The following ABRAXAS1 variants were observed in gnomAD, a reference collection of about 807,000 sequenced individuals.
ABRAXAS1 encodes the protein BRCA1-A complex subunit Abraxas 1.
ABRAXAS1 carries 26 observed loss-of-function variants against 38.4 expected under a neutral mutation model. The observed-to-expected ratio is 0.68, with a 90% CI of 0.50 to 0.94. ABRAXAS1 has a LOEUF of 0.94. Among genes scored for constraint, ABRAXAS1 ranks in the 40% least tolerant of loss-of-function variants. The probability of loss-of-function intolerance (pLI) is 0.00; values close to 1 mark genes in which losing one functional copy is unlikely to be tolerated. For synonymous variants in ABRAXAS1, 144 were observed against 165.5 expected (o/e 0.87, Z 1.00); for missense variants, 438 against 481.9 (o/e 0.91, Z 0.85).
chr4:83,465,016 C>A (rs1004502543), intron 7 of ABRAXAS1, among the ~76,000 whole-genome samples: 4 of 152,082 alleles, frequency 2.6e-5, no homozygotes, highest in South Asian at 2.1e-4. Context: ...AATAAAGAGG[C>A]CGGGCAAGGT....
At chr4:83,464,864 C>T (rs1722288868) in intron 7 of ABRAXAS1, among the ~76,000 whole-genome samples, 1 of 152,240 alleles carries the variant, frequency 6.6e-6, no homozygotes, top group South Asian at 2.1e-4. Flanking sequence ...AGTTCTATGG[C>T]ATTCTAGCTC....
chr4:83,481,748 TTTC>T (rs1723006215), intron 2 of ABRAXAS1, among the ~76,000 whole-genome samples: 1 of 152,080 alleles, frequency 6.6e-6, no homozygotes. Context: ...TTAATATATA[TTTC>T]TTATTTTTCT....
intron 3 of ABRAXAS1, among the ~76,000 whole-genome samples, chr4:83,474,143 A>C (rs1722680185): frequency 8.0e-6 from 1 of 125,270 alleles, no homozygotes; most frequent in Non-Finnish European, 1.6e-5. Context: ...ACCTTGTCTA[A>C]AAAATAAATA....
At chr4:83,474,840 TG>T (rs1168154915) in intron 3 of ABRAXAS1, among the ~76,000 whole-genome samples, 3 of 152,208 alleles carry the variant, frequency 2.0e-5, no homozygotes, top group Non-Finnish European at 4.4e-5. Context: ...AGTATGATGC[TG>T]GATTAGAGCT....
intron 1 of ABRAXAS1, among the ~76,000 whole-genome samples, chr4:83,483,147 C>T (rs1723054515): frequency 6.6e-6 from 1 of 152,174 alleles, no homozygotes; most frequent in Admixed American, 6.5e-5. Flanking sequence ...AAAAGGAGTG[C>T]TGTGAGCCCG....
chr4:83,462,181 CTG>C lies in ABRAXAS1; in HGVS notation c.*286_*287del, dbSNP rs755885231. 1.1e-4 allele frequency: 38 copies of C among 356,444 alleles called. No homozygotes were observed. Among genetic ancestry groups the C allele is most frequent in the East Asian group, 1.9e-4 (4 of 20,664 alleles). 22.1% of individuals were successfully genotyped at this position (356,444 alleles called of 1,614,324 possible). The stretch of plus-strand genomic sequence containing the variant: ...GTGCTGGGATTACAGGTGTGAGCCA[CTG>C]TGCCTGGTCTCACTTTTCCAATTCT... On this transcript the variant is annotated 3_prime_UTR_variant, in exon 9 of 9. Transcript: ENST00000321945.
intron 6 of ABRAXAS1, 60 bp downstream of exon 6, chr4:83,468,972 A>G (rs1578127374): frequency 6.3e-7 from 1 of 1,576,088 alleles, no homozygotes; most frequent in African/African-American, 1.4e-5. Flanking sequence ...TTGTTTGAGA[A>G]ATAAGAAAAT....
At chr4:83,484,608 C>T (rs1723113334) in intron 1 of ABRAXAS1, among the ~76,000 whole-genome samples, 1 of 152,242 alleles carries the variant, frequency 6.6e-6, no homozygotes, top group African/African-American at 2.4e-5. Flanking sequence ...AAACGCCTGT[C>T]GGGCGTCGCG....
intron 3 of ABRAXAS1, 124 bp from the exon 4 acceptor site, chr4:83,472,412 A>G (rs1722616452): frequency 2.2e-6 from 1 of 462,652 alleles, no homozygotes; most frequent in African/African-American, 2.1e-5. Context: ...TGCCTGTCAG[A>G]TGAAGTCCTA....
chr4:83,464,356 C>T (rs1479457781), intron 7 of ABRAXAS1, among the ~76,000 whole-genome samples: 2 of 152,126 alleles, frequency 1.3e-5, no homozygotes, highest in East Asian at 3.8e-4. Flanking sequence ...TTTTGAAAAG[C>T]AGATCACTTC....
At chr4:83,473,049 G>T (rs1176396766) in intron 3 of ABRAXAS1, among the ~76,000 whole-genome samples, 1 of 152,100 alleles carries the variant, frequency 6.6e-6, no homozygotes, top group African/African-American at 2.4e-5. Context: ...GAGGCTGAGG[G>T]GGGTGGATGG....
chr4:83,463,681 T>G (rs1297199902), intron 7 of ABRAXAS1, 73 bp from the exon 8 acceptor site: 2 of 761,120 alleles, frequency 2.6e-6, no homozygotes, highest in African/African-American at 1.8e-5. Flanking sequence ...GATTCACAAA[T>G]AATATAAAAT....
chr4:83,463,187 T>A (rs2110033663), intron 8 of ABRAXAS1, among the ~76,000 whole-genome samples: 1 of 152,264 alleles, frequency 6.6e-6, no homozygotes, highest in African/African-American at 2.4e-5. Context: ...CCCAGCACTT[T>A]GGGAGGCTGA....
chr4:83,475,910 GAACATA>G, intron 3 of ABRAXAS1, among the ~76,000 whole-genome samples: 1 of 152,180 alleles, frequency 6.6e-6, no homozygotes, highest in Non-Finnish European at 1.5e-5. Context: ...ACAGGTTAAA[GAACATA>G]ACCAGTTGAG....
intron 2 of ABRAXAS1, chr4:83,479,651 A>T (rs1334054987): frequency 6.6e-6 from 1 of 152,246 alleles, no homozygotes; most frequent in African/African-American, 2.4e-5. Context: ...ACGTCTATAC[A>T]ACAGGATATA....
At chr4:83,471,380 TTC>T (rs1722587744) in intron 4 of ABRAXAS1, among the ~76,000 whole-genome samples, 1 of 151,482 alleles carries the variant, frequency 6.6e-6, no homozygotes. Flanking sequence ...TTTTTTTTTC[TTC>T]TGTTTTTAGT....
At chr4:83,465,299 C>CAAAAAAA (rs35072866) in intron 7 of ABRAXAS1, among the ~76,000 whole-genome samples, 8 of 88,194 alleles carry the variant, frequency 9.1e-5, no homozygotes, top group East Asian at 4.7e-4. Context: ...GACTCTGTCT[C>CAAAAAAA]AAAAAAAAAA....
chr4:83,478,304 A>C, intron 2 of ABRAXAS1: 1 of 636,046 alleles, frequency 1.6e-6, no homozygotes, highest in Non-Finnish European at 3.1e-6. Context: ...TATTTTAAAA[A>C]TGTGGAAACA....
chr4:83,473,528 A>G (rs1722656975), intron 3 of ABRAXAS1, among the ~76,000 whole-genome samples: 1 of 151,998 alleles, frequency 6.6e-6, no homozygotes, highest in Non-Finnish European at 1.5e-5. Flanking sequence ...GTAGAAACTG[A>G]TATAACATGC....
Sources: allele counts gnomAD v4.1 joint callset (sites outside exome capture counted in the v4.1 genomes callset), GRCh38; gene constraint gnomAD v4.1.1; transcripts MANE v1.5; gene names NCBI Gene and HGNC (gene_info 2026-07-23, HGNC 2026-07-21).